The following SH3BP5 variants were observed in gnomAD, a reference collection of about 807,000 sequenced individuals.
SH3BP5 encodes SH3 domain binding protein 5, also known as SH3 domain-binding protein 5.
A neutral mutation model predicts 43.3 loss-of-function variants in SH3BP5; 22 were observed. The observed-to-expected ratio is 0.51, with a 90% CI of 0.36 to 0.73. SH3BP5 has a LOEUF of 0.73. SH3BP5 is among the 30% of genes least tolerant of loss of function. SH3BP5 has a pLI of 0.00. For missense variants in SH3BP5, 529 were observed against 586.9 expected, an observed-to-expected ratio of 0.90 and a Z score of 1.02; for synonymous variants, 255 against 225.8, an observed-to-expected ratio of 1.13 and a Z score of -1.16.
chr3:15,274,089 C>CA (rs527692162), intron 3 of SH3BP5, among the ~76,000 whole-genome samples: 307 of 151,958 alleles, frequency 2.0e-3, no homozygotes, highest in African/African-American at 7.0e-3. Flanking sequence ...ACTAAAAATA[C>CA]AAAAAAATTA....
intron 2 of SH3BP5, among the ~76,000 whole-genome samples, chr3:15,307,560 TA>T (rs1158898937): frequency 6.6e-6 from 1 of 152,222 alleles, no homozygotes; most frequent in Non-Finnish European, 1.5e-5. Flanking sequence ...AATACAAATG[TA>T]AAACATTTAA....
At chr3:15,335,173 T>C (rs1698686422), upstream of SH3BP5, among the ~76,000 whole-genome samples, 1 of 151,936 alleles carries the variant, frequency 6.6e-6, no homozygotes, top group Admixed American at 6.6e-5. Flanking sequence ...GGCAGGTGGA[T>C]CACCTGAGGT....
intron 3 of SH3BP5, among the ~76,000 whole-genome samples, chr3:15,292,097 T>G (rs1169578715): frequency 6.6e-6 from 1 of 152,116 alleles, no homozygotes; most frequent in African/African-American, 2.4e-5. Context: ...ACTGAAAAAT[T>G]AATCACTCTG....
chr3:15,267,635 A>G (rs1696681538), intron 4 of SH3BP5, among the ~76,000 whole-genome samples: 1 of 152,168 alleles, frequency 6.6e-6, no homozygotes, highest in South Asian at 2.1e-4. Flanking sequence ...TGAAGCCCTC[A>G]TGACCTCAGG....
In SH3BP5 at chr3:15,332,484, G is replaced by C. The variant is rs2124834253; in HGVS notation, c.-76C>G. 1 of 1,370,116 alleles carries C rather than the reference G, an allele frequency of 7.3e-7. No individual in the cohort carries two copies. Among genetic ancestry groups the C allele is most frequent in the Non-Finnish European group, 9.3e-7 (1 of 1,069,948 alleles). The allele number at this position is 1,370,116 out of a possible 1,614,324, so 84.9% of individuals were successfully genotyped here. ...GTCGCGGCTGCCACAGGCTGGGCTG[G>C]AGCCGCCTCGCCACAGCCGGGCACG... On this transcript the variant is annotated 5_prime_UTR_variant, in exon 1 of 9. Coordinates refer to ENST00000383791, the MANE Select transcript of SH3BP5 (RefSeq NM_004844.5).
chr3:15,311,399 C>T (rs891150529), intron 2 of SH3BP5, among the ~76,000 whole-genome samples: 5 of 152,024 alleles, frequency 3.3e-5, no homozygotes, highest in African/African-American at 1.2e-4. Context: ...CCCATCTCTA[C>T]TAAAAACACA....
chr3:15,330,821 T>A (rs1698591545), intron 1 of SH3BP5: 1 of 860,612 alleles, frequency 1.2e-6, no homozygotes, highest in Admixed American at 6.2e-5. Context: ...AGAGGTCAAC[T>A]ATTCCAGGTA....
chr3:15,304,465 C>A (rs1371143297), intron 2 of SH3BP5, among the ~76,000 whole-genome samples: 1 of 152,240 alleles, frequency 6.6e-6, no homozygotes, highest in Non-Finnish European at 1.5e-5. Flanking sequence ...CCACGTGTGG[C>A]TACTGAGCAC....
upstream of SH3BP5, chr3:15,333,372 C>T (rs1698661204): frequency 3.6e-6 from 2 of 551,358 alleles, no homozygotes; most frequent in Admixed American, 6.4e-5. Context: ...TGGCTGCTCA[C>T]GTCTCCTTGC....
At chr3:15,259,733 C>G in intron 6 of SH3BP5, 28 bp downstream of exon 6, 3 of 1,611,758 alleles carry the variant, frequency 1.9e-6, no homozygotes, top group Non-Finnish European at 2.5e-6. Context: ...AAAATCTCAT[C>G]AGTGACGAAG....
chr3:15,314,145 T>C (rs577822241), intron 2 of SH3BP5, among the ~76,000 whole-genome samples: 24 of 151,764 alleles, frequency 1.6e-4, no homozygotes, highest in African/African-American at 5.1e-4. Context: ...TTTTTAATTG[T>C]TTTTTGGGAT....
At position 15,256,485 on chromosome 3, in the gene SH3BP5, C is replaced by T. The variant is rs1575270787; in HGVS notation, c.1151-182G>A. ...CTACCGTGCCTATCAGAGAGGTTCT[C>T]AGTACATAATCATTTACTGCTTTTA... On this transcript the variant is annotated intron_variant, in intron 8 of 8. Transcript: ENST00000383791. The T allele has an allele frequency of 3.6e-5, 24 of 664,358 alleles. No individual in the cohort carries two copies. In the East Asian group the frequency reaches 5.9e-4, roughly 16 times the overall value. 41.2% of individuals were successfully genotyped at this position (664,358 alleles called of 1,614,324 possible). A position where few individuals can be genotyped will look rare whatever the true frequency, so the allele number is the denominator to read the frequency against.
chr3:15,295,608 G>A (rs1697546551), intron 3 of SH3BP5, among the ~76,000 whole-genome samples: 1 of 152,204 alleles, frequency 6.6e-6, no homozygotes, highest in Non-Finnish European at 1.5e-5. Flanking sequence ...TCAGGCAGAA[G>A]TTATACCACT....
At position 15,256,397 on chromosome 3, in the gene SH3BP5, A is replaced by G. The variant is rs923127216; in HGVS notation, c.1151-94T>C. The G allele has an allele frequency of 6.7e-6, 9 of 1,350,678 alleles. No individual in the cohort carries two copies. The African/African-American group carries it at 8.7e-5, about 13-fold the overall frequency. The allele number at this position is 1,350,678 out of a possible 1,614,324, so 83.7% of individuals were successfully genotyped here. On this transcript the variant is annotated intron_variant, in intron 8 of 8. Coordinates refer to ENST00000383791, the MANE Select transcript of SH3BP5 (RefSeq NM_004844.5). ...AGATTATCAAAAGTGAGTATTGACA[A>G]TTCTAAGTCACTTGAGCTCAAACCA...
intron 3 of SH3BP5, among the ~76,000 whole-genome samples, chr3:15,294,120 A>G (rs1330506964): frequency 6.6e-6 from 1 of 151,746 alleles, no homozygotes; most frequent in Non-Finnish European, 1.5e-5. Flanking sequence ...AAAAGAAAAG[A>G]GTACCACTTT....
chr3:15,294,457 T>G (rs1697513532), intron 3 of SH3BP5, among the ~76,000 whole-genome samples: 1 of 152,096 alleles, frequency 6.6e-6, no homozygotes, highest in Non-Finnish European at 1.5e-5. Flanking sequence ...CTCCCTTCCA[T>G]CCAGTAAACT....
intron 3 of SH3BP5, among the ~76,000 whole-genome samples, chr3:15,289,473 G>A (rs1263778828): frequency 1.3e-5 from 2 of 152,316 alleles, no homozygotes; most frequent in East Asian, 1.9e-4. Flanking sequence ...TAGGATGTGA[G>A]CAGCAAACAG....
rs1469777475 is a variant in SH3BP5 at position 15,255,998 on chromosome 3, T to C, written c.*88A>G. ...GCAGTTTAGAGTAGACGTGTAAGAT[T>C]TGGCATATATTAAATGATTATTGGC... On this transcript the variant is annotated 3_prime_UTR_variant, in exon 9 of 9. Transcript: ENST00000383791. The C allele has an allele frequency of 9.4e-7, 1 of 1,067,794 alleles. No homozygotes were observed. Among genetic ancestry groups the C allele is most frequent in the South Asian group, 1.5e-5 (1 of 68,084 alleles). 66.1% of individuals were successfully genotyped at this position (1,067,794 alleles called of 1,614,324 possible). A position where few individuals can be genotyped will look rare whatever the true frequency, so the allele number is the denominator to read the frequency against.
At chr3:15,269,098 G>GCAGT (rs555687679) in intron 4 of SH3BP5, among the ~76,000 whole-genome samples, 4 of 152,104 alleles carry the variant, frequency 2.6e-5, no homozygotes, top group African/African-American at 9.7e-5. Context: ...TCTGAGTAAC[G>GCAGT]CAGTCAGAGA....
Sources: gnomAD v4.1 joint callset for allele counts (sites outside exome capture counted in the v4.1 genomes callset) on GRCh38, gnomAD v4.1.1 for gene constraint, MANE v1.5 for transcripts, NCBI Gene and HGNC (gene_info 2026-07-23, HGNC 2026-07-21) for gene names.